The following EPS15 variants were observed in gnomAD, a reference collection of about 807,000 sequenced individuals.
The protein encoded by EPS15 is epidermal growth factor receptor substrate 15.
Under a neutral mutation model 113.8 loss-of-function variants are expected in EPS15, and 72 were observed. That is an observed-to-expected ratio of 0.63 (90% CI 0.52 to 0.77). The LOEUF (loss-of-function observed/expected upper bound fraction) is 0.77, where lower values mean the gene tolerates loss of function less well. Ranked by LOEUF, EPS15 falls within the 30% of genes least tolerant of loss-of-function variation. EPS15 has a pLI of 0.00. For missense variants in EPS15, 1,048 were observed against 1,045.8 expected, an observed-to-expected ratio of 1.00 and a Z score of -0.03; for synonymous variants, 344 against 363.4, an observed-to-expected ratio of 0.95 and a Z score of 0.61.
intron 7 of EPS15, among the ~76,000 whole-genome samples, chr1:51,461,537 A>AG (rs1191595478): frequency 6.9e-6 from 1 of 145,090 alleles, no homozygotes; most frequent in East Asian, 1.9e-4. Context: ...AAAAAAAAAA[A>AG]AAAAAAAAAA....
Position 51,440,440 on chromosome 1 carries a change from C to T in EPS15, c.955-8G>A. ...ACTTGATCCTATGATGTTCTAAAAACAAAAAGTTCACAATTATACATTACT... is the reference window on the plus strand; with the variant it reads ...ACTTGATCCTATGATGTTCTAAAAATAAAAAGTTCACAATTATACATTACT... On this transcript the variant is annotated splice_region_variant and splice_polypyrimidine_tract_variant and intron_variant, in intron 11 of 24. Transcript: ENST00000371733. The T allele has an allele frequency of 8.8e-6, 13 of 1,473,140 alleles. No individual in the cohort carries two copies. The highest frequency in any genetic ancestry group is 1.1e-5 in the Non-Finnish European group (12 of 1,073,532). 91.3% of individuals were successfully genotyped at this position (1,473,140 alleles called of 1,614,324 possible).
intron 1 of EPS15, among the ~76,000 whole-genome samples, chr1:51,508,300 G>GAGAA (rs59675523): frequency 0.022 from 2,765 of 127,292 alleles, 79 homozygotes; most frequent in Non-Finnish European, 0.033. Context: ...AAGAGAGAGA[G>GAGAA]AGAAAGAGAG....
chr1:51,381,747 A>C (rs1646946917), intron 21 of EPS15, among the ~76,000 whole-genome samples: 3 of 152,234 alleles, frequency 2.0e-5, no homozygotes, highest in Admixed American at 2.0e-4. Flanking sequence ...AGAAAATTAG[A>C]AAATATCTTG....
chr1:51,434,342 C>T (rs528527705), intron 12 of EPS15, among the ~76,000 whole-genome samples: 27 of 152,206 alleles, frequency 1.8e-4, no homozygotes, highest in Non-Finnish European at 3.1e-4. Context: ...TATGTAAGTA[C>T]AATGGAATTA....
At chr1:51,429,281 A>T (rs1433832978) in intron 12 of EPS15, among the ~76,000 whole-genome samples, 1 of 152,138 alleles carries the variant, frequency 6.6e-6, no homozygotes, top group African/African-American at 2.4e-5. Flanking sequence ...CTACACAATT[A>T]CTGTGAATGT....
intron 2 of EPS15, among the ~76,000 whole-genome samples, chr1:51,477,347 CTTCT>C (rs950452623): frequency 4.0e-4 from 61 of 151,962 alleles, no homozygotes; most frequent in Non-Finnish European, 8.4e-4. Flanking sequence ...TCTCTCTCTG[CTTCT>C]TTATTAGTTT....
chr1:51,511,149 G>C (rs1481745405), intron 1 of EPS15, among the ~76,000 whole-genome samples: 1 of 151,958 alleles, frequency 6.6e-6, no homozygotes. Flanking sequence ...CTGAGCGACA[G>C]AGCCAGACCT....
At chr1:51,430,058 G>C (rs1651580397) in intron 12 of EPS15, among the ~76,000 whole-genome samples, 1 of 152,112 alleles carries the variant, frequency 6.6e-6, no homozygotes, top group Non-Finnish European at 1.5e-5. Flanking sequence ...CTTCTTTCCT[G>C]TCTGGCTTGT....
chr1:51,425,119 C>A (rs1307895416), intron 12 of EPS15, among the ~76,000 whole-genome samples: 1 of 152,138 alleles, frequency 6.6e-6, no homozygotes, highest in Admixed American at 6.5e-5. Flanking sequence ...AGTACCAAAG[C>A]TATAAAGAAC....
intron 5 of EPS15, 106 bp from the exon 6 acceptor site, chr1:51,465,432 C>G: frequency 1.5e-6 from 1 of 646,304 alleles, no homozygotes; most frequent in Admixed American, 2.6e-5. Flanking sequence ...AATGCTGGAT[C>G]TCAATGCACA....
intron 21 of EPS15, among the ~76,000 whole-genome samples, chr1:51,381,862 C>A (rs980879132): frequency 6.6e-6 from 1 of 151,828 alleles, no homozygotes; most frequent in African/African-American, 2.4e-5. Flanking sequence ...AAAAGAAGAG[C>A]TCAAATCAAC....
chr1:51,400,712 C>CAAAAAAAAAAAAAAAAAAAAAAAAAAA (rs375748381), intron 19 of EPS15, among the ~76,000 whole-genome samples: 5 of 60,178 alleles, frequency 8.3e-5, no homozygotes, highest in Non-Finnish European at 6.3e-5. Context: ...CAAAAAACAC[C>CAAAAAAAAAAAAAAAAAAAAAAAAAAA]AAAAAAAAAA....
chr1:51,361,313 T>A lies in EPS15; in HGVS notation c.2402A>T (p.Lys801Ile), dbSNP rs767319254. ...GAAAGGCTGAAATGGATCATTCAGT[T>A]TAAAGGGATCAGGAGAATCCAATTT... is the stretch of plus-strand genomic sequence containing the variant. ...INKLDSPDPF[K>I]LNDPFQPFPG... Residue 801 changes from lysine to isoleucine, a missense_variant, in exon 24 of 25, where the codon AAA becomes ATA. Coordinates refer to ENST00000371733, the MANE Select transcript of EPS15 (RefSeq NM_001981.3). The A allele has an allele frequency of 6.2e-7, 1 of 1,613,880 alleles. No individual in the cohort carries two copies. The highest frequency in any genetic ancestry group is 8.5e-7 in the Non-Finnish European group (1 of 1,179,916).
rs989377422 is a variant in EPS15 at position 51,432,985 on chromosome 1, G to C, written c.1040+7362C>G. 4.6e-5 allele frequency among the ~76,000 whole-genome samples: 7 copies of C among 152,254 alleles called. No homozygotes were observed. In the East Asian group the frequency reaches 1.3e-3, roughly 29 times the overall value. On this transcript the variant is annotated intron_variant, in intron 12 of 24. Transcript: ENST00000371733. ...TCATAAGCAAAAGAGCTCCAGATTT[G>C]ATAATATAAGCAATGAACTCTCCAG... is the stretch of plus-strand genomic sequence containing the variant.
At chr1:51,416,149 TAACA>T (rs1337327389) in intron 13 of EPS15, among the ~76,000 whole-genome samples, 2 of 152,128 alleles carry the variant, frequency 1.3e-5, no homozygotes, top group African/African-American at 2.4e-5. Context: ...AAGGTTCTCC[TAACA>T]AACAGTGTCT....
intron 7 of EPS15, among the ~76,000 whole-genome samples, chr1:51,461,521 T>TAAAA (rs34184025): frequency 1.6e-4 from 14 of 85,074 alleles, no homozygotes; most frequent in South Asian, 4.2e-4. Context: ...CACTGTTTCT[T>TAAAA]AAAAAAAAAA....
intron 11 of EPS15, among the ~76,000 whole-genome samples, chr1:51,442,636 A>G (rs1044366408): frequency 1.3e-5 from 2 of 152,172 alleles, no homozygotes; most frequent in Non-Finnish European, 2.9e-5. Context: ...GGTGATGTTA[A>G]GTGGATCAGA....
At chr1:51,389,882 C>T (rs1203907149) in intron 21 of EPS15, among the ~76,000 whole-genome samples, 8 of 152,182 alleles carry the variant, frequency 5.3e-5, no homozygotes, top group Non-Finnish European at 7.3e-5. Context: ...TGAAAATGGC[C>T]ATACTGCCCA....
At chr1:51,391,809 A>G (rs1647394554) in intron 21 of EPS15, among the ~76,000 whole-genome samples, 2 of 152,230 alleles carry the variant, frequency 1.3e-5, no homozygotes. Flanking sequence ...GGCCTGGACA[A>G]CATTAAAGAT....
Sources: allele counts gnomAD v4.1 joint callset (sites outside exome capture counted in the v4.1 genomes callset), GRCh38; gene constraint gnomAD v4.1.1; transcripts MANE v1.5; gene names NCBI Gene and HGNC (gene_info 2026-07-23, HGNC 2026-07-21).